GNAQ: variants seen among roughly 807,000 people sequenced by gnomAD.
The protein encoded by GNAQ is G protein subunit alpha q, also known as guanine nucleotide-binding protein G(q) subunit alpha.
A neutral mutation model predicts 43.9 loss-of-function variants in GNAQ; 8 were observed. The ratio of observed to expected loss-of-function variants is 0.18; its 90% CI spans 0.11 to 0.33. The LOEUF is 0.33. Ranked by LOEUF, GNAQ falls within the 10% of genes least tolerant of loss-of-function variation. GNAQ has a pLI of 1.00. For synonymous variants in GNAQ, 155 were observed against 170.7 expected (o/e 0.91, Z 0.71); for missense variants, 158 against 450.8 (o/e 0.35, Z 5.88).
At chr9:77,762,425 G>GTGACCAACAGCCCATTGAGAAC (rs1826055306) in intron 5 of GNAQ, among the ~76,000 whole-genome samples, 2 of 118,426 alleles carry the variant, frequency 1.7e-5, no homozygotes, top group East Asian at 5.3e-4. Context: ...GGAGGGAGGT[G>GTGACCAACAGCCCATTGAGAAC]GGGGGGTCAG....
chr9:77,778,698 A>C (rs1826343181), intron 5 of GNAQ, among the ~76,000 whole-genome samples: 2 of 151,998 alleles, frequency 1.3e-5, no homozygotes, highest in Non-Finnish European at 2.9e-5. Context: ...ACCCACTTTA[A>C]CATAAAGATA....
At chr9:78,012,910 AACT>A (rs1203637452) in intron 1 of GNAQ, among the ~76,000 whole-genome samples, 1 of 152,228 alleles carries the variant, frequency 6.6e-6, no homozygotes, top group Non-Finnish European at 1.5e-5. Context: ...AAATTTGAGA[AACT>A]ACTACAGAAT....
intron 1 of GNAQ, among the ~76,000 whole-genome samples, chr9:77,988,935 G>C (rs1273229410): frequency 3.3e-5 from 5 of 152,302 alleles, no homozygotes; most frequent in Admixed American, 2.6e-4. Context: ...GATCAGAGAT[G>C]AGTGTCAGCT....
chr9:77,726,092 G>A (rs1825393721), intron 6 of GNAQ, among the ~76,000 whole-genome samples: 1 of 152,184 alleles, frequency 6.6e-6, no homozygotes, highest in South Asian at 2.1e-4. Context: ...TCAGGTAGAT[G>A]TGTTTGAAGC....
In GNAQ at chr9:77,757,773, A is replaced by G. The variant is rs543604224; in HGVS notation, c.736-29106T>C. Among the ~76,000 whole-genome samples the G allele has an allele frequency of 1.5e-3, 234 of 152,292 alleles. 1 individual carries two copies. Among genetic ancestry groups the G allele is most frequent in the African/African-American group, 5.3e-3 (219 of 41,568 alleles). On this transcript the variant is annotated intron_variant, in intron 5 of 6. Coordinates refer to ENST00000286548, the MANE Select transcript of GNAQ (RefSeq NM_002072.5). The stretch of plus-strand genomic sequence containing the variant: ...AATGTTCTTCAATTTCACTGACTGT[A>G]CACAAACCTCCCATTGGTATATCAA...
At chr9:77,797,418 T>C (rs2118453824) in intron 4 of GNAQ, 102 bp downstream of exon 4, 2 of 843,316 alleles carry the variant, frequency 2.4e-6, no homozygotes, top group Admixed American at 1.9e-5. Context: ...ATAAAGCCTA[T>C]CTTGTTTTGA....
intron 1 of GNAQ, among the ~76,000 whole-genome samples, chr9:77,980,664 T>TAA (rs139443196): frequency 1.3e-4 from 19 of 149,796 alleles, no homozygotes; most frequent in Middle Eastern, 6.9e-3. Context: ...TTTACTAGTT[T>TAA]AAAAAAAAAA....
At chr9:77,877,530 A>G (rs1828143158) in intron 2 of GNAQ, among the ~76,000 whole-genome samples, 1 of 152,038 alleles carries the variant, frequency 6.6e-6, no homozygotes, top group Non-Finnish European at 1.5e-5. Context: ...CAAATTAGGG[A>G]AAAAATATAG....
intron 2 of GNAQ, among the ~76,000 whole-genome samples, chr9:77,874,648 A>G (rs1828101414): frequency 6.6e-6 from 1 of 152,028 alleles, no homozygotes; most frequent in African/African-American, 2.4e-5. Context: ...TTTCTGAGAC[A>G]CAGTCTCACT....
At chr9:77,859,324 T>C (rs1827808080) in intron 2 of GNAQ, among the ~76,000 whole-genome samples, 1 of 152,216 alleles carries the variant, frequency 6.6e-6, no homozygotes, top group Non-Finnish European at 1.5e-5. Flanking sequence ...ATTATCCTAT[T>C]CACTCCCTTA....
chr9:77,805,614 C>A (rs1453822483), intron 3 of GNAQ, among the ~76,000 whole-genome samples: 1 of 152,052 alleles, frequency 6.6e-6, no homozygotes, highest in African/African-American at 2.4e-5. Context: ...CCTTGTTGGT[C>A]AGGCTGGTCT....
At chr9:77,846,613 G>A (rs916130808) in intron 2 of GNAQ, among the ~76,000 whole-genome samples, 4 of 152,080 alleles carry the variant, frequency 2.6e-5, no homozygotes, top group Admixed American at 1.3e-4. Context: ...GGAGATGGCC[G>A]AACTGTTTAT....
At chr9:77,787,894 G>C (rs988406689) in intron 5 of GNAQ, among the ~76,000 whole-genome samples, 1 of 152,186 alleles carries the variant, frequency 6.6e-6, no homozygotes, top group African/African-American at 2.4e-5. Context: ...GCCGGGCATG[G>C]TGGCGCGTGC....
At chr9:77,841,131 G>A (rs551714407) in intron 2 of GNAQ, among the ~76,000 whole-genome samples, 1 of 144,886 alleles carries the variant, frequency 6.9e-6, no homozygotes, top group East Asian at 2.1e-4. Context: ...AAATTGTATT[G>A]AAGCACAGAC....
At chr9:77,876,238 G>A (rs1388723051) in intron 2 of GNAQ, among the ~76,000 whole-genome samples, 2 of 152,208 alleles carry the variant, frequency 1.3e-5, no homozygotes, top group African/African-American at 4.8e-5. Flanking sequence ...TCCCGGAGGA[G>A]CTGTCTCCTT....
intron 3 of GNAQ, among the ~76,000 whole-genome samples, chr9:77,806,584 AACTGTAGTC>A (rs1179746500): frequency 7.9e-5 from 12 of 152,230 alleles, no homozygotes; most frequent in Non-Finnish European, 1.8e-4. Context: ...GATGATTATG[AACTGTAGTC>A]ACTGGAGAAT....
intron 6 of GNAQ, among the ~76,000 whole-genome samples, chr9:77,722,753 T>G (rs1825336914): frequency 6.7e-6 from 1 of 150,308 alleles, no homozygotes; most frequent in Non-Finnish European, 1.5e-5. Context: ...ACCTTCTGGG[T>G]TCAAGTGATC....
chr9:77,814,271 A>G (rs1270893655), intron 3 of GNAQ, among the ~76,000 whole-genome samples: 1 of 152,156 alleles, frequency 6.6e-6, no homozygotes, highest in African/African-American at 2.4e-5. Flanking sequence ...GGGACGAAGG[A>G]CAGAGGGAGG....
chr9:77,933,304 G>GGTAAGAAACTTGTTGGTCTCTAGTGT (rs1437911996), intron 1 of GNAQ, among the ~76,000 whole-genome samples: 4 of 152,040 alleles, frequency 2.6e-5, no homozygotes, highest in African/African-American at 9.7e-5. Context: ...CTAAAGAAAA[G>GGTAAGAAACTTGTTGGTCTCTAGTGT]GTAAGAAACT....
Sources: gnomAD v4.1 joint callset for allele counts (sites outside exome capture counted in the v4.1 genomes callset) on GRCh38, gnomAD v4.1.1 for gene constraint, MANE v1.5 for transcripts, NCBI Gene and HGNC (gene_info 2026-07-23, HGNC 2026-07-21) for gene names.